CORO2A: variants seen among roughly 807,000 people sequenced by gnomAD.
CORO2A encodes the protein coronin 2A, also known as coronin-2A.
CORO2A carries 47 observed loss-of-function variants against 62.4 expected under a neutral mutation model. That is an observed-to-expected ratio of 0.75 (90% CI 0.60 to 0.96). The LOEUF (loss-of-function observed/expected upper bound fraction) is 0.96. CORO2A is among the 40% of genes least tolerant of loss of function. The pLI, the probability that CORO2A is intolerant of heterozygous loss-of-function variation, is 0.00. For missense variants in CORO2A, 610 were observed against 684.1 expected, an observed-to-expected ratio of 0.89 and a Z score of 1.21; for synonymous variants, 273 against 268.9, an observed-to-expected ratio of 1.02 and a Z score of -0.15.
rs1295879510 is a variant in CORO2A, at chr9:98,133,078, T to C, written c.608A>G (p.Lys203Arg). ...SLLATTCKDR[K>R]IRVIDPRAGT... ...TGCTCGGGGGTCAATAACCCGAATC[T>C]TGCGGTCTTTGCAGGTGGTGGCCAA... is the stretch of plus-strand genomic sequence containing the variant. The change falls in exon 5 of 12, where the codon AAG (lysine) becomes AGG (arginine). Residue 203 changes from lysine to arginine, a missense_variant. Physicochemically the swap from Lys to Arg is conservative, Grantham distance 26. Coordinates refer to ENST00000375077, the MANE Select transcript of CORO2A (RefSeq NM_052820.4). 1 of 1,614,232 alleles carries C rather than the reference T, an allele frequency of 6.2e-7. No homozygotes were observed. Among genetic ancestry groups the C allele is most frequent in the Non-Finnish European group, 8.5e-7 (1 of 1,180,040 alleles).
rs538822364 is a variant in CORO2A at position 98,172,237 on chromosome 9, C to A, written c.1-14577G>T. Reference sequence around the variant, plus strand: ...ACCCCCACCCCACTTCTGAGCTCAGCCCCACGCCCTACTTCCGAGCTCAGT... The same window carrying A: ...ACCCCCACCCCACTTCTGAGCTCAGACCCACGCCCTACTTCCGAGCTCAGT... On this transcript the variant is annotated intron_variant, in intron 1 of 11. Transcript: ENST00000375077. Among the ~76,000 whole-genome samples the A allele has an allele frequency of 2.7e-3, 400 of 148,254 alleles. 1 individual carries two copies. The highest frequency in any genetic ancestry group is 9.1e-3 in the African/African-American group (365 of 40,092).
At position 98,163,741 on chromosome 9, in the gene CORO2A, T is replaced by TGAGAGA. The variant is rs565063006; in HGVS notation, c.1-6087_1-6082dup. Among the ~76,000 whole-genome samples, 341 of 139,614 alleles carry TGAGAGA rather than the reference T, an allele frequency of 2.4e-3. 1 individual carries two copies. The highest frequency in any genetic ancestry group is 3.5e-3 in the Non-Finnish European group (231 of 65,456). The allele number at this position is 139,614 out of a possible 152,430, so 91.6% of individuals were successfully genotyped here. ...GTGTGTGTGTGTGTATGTGTGTGTG[T>TGAGAGA]GAGAGAGAGAGAGAGAGAGAGAGAG... On this transcript the variant is annotated intron_variant, in intron 1 of 11. Coordinates refer to ENST00000375077, the MANE Select transcript of CORO2A (RefSeq NM_052820.4).
At position 98,130,935 on chromosome 9, in the gene CORO2A, C is replaced by A; in HGVS notation, c.870+20G>T. The stretch of plus-strand genomic sequence containing the variant: ...GTCTCAGGGGTCCAGGAGGTCACCT[C>A]CCTCCCGTGCCAAGCCGACCTTCCC... On this transcript the variant is annotated intron_variant, in intron 7 of 11. Coordinates refer to ENST00000375077, the MANE Select transcript of CORO2A (RefSeq NM_052820.4). 6.3e-7 allele frequency: 1 copy of A among 1,596,476 alleles called. No individual in the cohort carries two copies. Among genetic ancestry groups the A allele is most frequent in the Non-Finnish European group, 8.6e-7 (1 of 1,166,136 alleles).
intron 2 of CORO2A, among the ~76,000 whole-genome samples, chr9:98,150,568 C>T (rs1216314732): frequency 2.0e-5 from 3 of 152,194 alleles, no homozygotes; most frequent in African/African-American, 2.4e-5. Context: ...TCCCAACCCA[C>T]GTCACACTCT....
chr9:98,172,092 G>A (rs1430105131), intron 1 of CORO2A, among the ~76,000 whole-genome samples: 2 of 152,000 alleles, frequency 1.3e-5, no homozygotes, highest in South Asian at 2.1e-4. Flanking sequence ...GAGGCCTTCC[G>A]TGCTTGGACT....
intron 1 of CORO2A, among the ~76,000 whole-genome samples, chr9:98,169,660 C>A (rs1290677370): frequency 6.6e-6 from 1 of 152,214 alleles, no homozygotes; most frequent in Non-Finnish European, 1.5e-5. Flanking sequence ...CAGACCTGTT[C>A]TCTGAGACAA....
At chr9:98,149,140 C>T (rs2795491) in intron 2 of CORO2A, among the ~76,000 whole-genome samples, 48,216 of 152,028 alleles carry the variant, frequency 0.32, 7,883 homozygotes, top group Non-Finnish European at 0.34. Context: ...AAAGGATACA[C>T]AGAATTGCAC....
At chr9:98,177,487 G>C (rs868519122) in intron 1 of CORO2A, among the ~76,000 whole-genome samples, 1 of 101,392 alleles carries the variant, frequency 9.9e-6, no homozygotes, top group Non-Finnish European at 1.7e-5. Context: ...TTTTGAGACA[G>C]AGTCTGGCTC....
intron 2 of CORO2A, among the ~76,000 whole-genome samples, chr9:98,155,046 T>C (rs1178511537): frequency 6.6e-6 from 1 of 152,242 alleles, no homozygotes; most frequent in Non-Finnish European, 1.5e-5. Flanking sequence ...CAGAAGTGTC[T>C]GATCGTTTAC....
chr9:98,158,294 A>AAG (rs759397205), intron 1 of CORO2A, among the ~76,000 whole-genome samples: 5 of 152,112 alleles, frequency 3.3e-5, no homozygotes, highest in Admixed American at 3.3e-4. Context: ...AAAAAAATAA[A>AAG]AGAGAGAGAG....
chr9:98,153,081 G>A (rs771161864), intron 2 of CORO2A, among the ~76,000 whole-genome samples: 1 of 152,114 alleles, frequency 6.6e-6, no homozygotes, highest in Non-Finnish European at 1.5e-5. Flanking sequence ...GGGGTAAAGG[G>A]TCATCTCTAT....
chr9:98,188,379 C>A (rs1828263710), intron 1 of CORO2A, among the ~76,000 whole-genome samples: 1 of 152,156 alleles, frequency 6.6e-6, no homozygotes. Flanking sequence ...ATCTGTCTTC[C>A]CCCCATCTGA....
intron 2 of CORO2A, among the ~76,000 whole-genome samples, chr9:98,140,912 C>A (rs183599074): frequency 2.4e-4 from 36 of 152,234 alleles, no homozygotes; most frequent in Admixed American, 2.2e-3. Flanking sequence ...CATTATTTAA[C>A]AAATCTAAAC....
At chr9:98,144,347 T>TG (rs1827613969) in intron 2 of CORO2A, among the ~76,000 whole-genome samples, 1 of 152,178 alleles carries the variant, frequency 6.6e-6, no homozygotes, top group Admixed American at 6.5e-5. Context: ...GTGCAGAGGC[T>TG]GGGGCTCAGA....
At chr9:98,184,551 A>G (rs1828215298) in intron 1 of CORO2A, among the ~76,000 whole-genome samples, 1 of 152,054 alleles carries the variant, frequency 6.6e-6, no homozygotes, top group African/African-American at 2.4e-5. Flanking sequence ...TGGTTTCTTC[A>G]TGGCGGCCCC....
chr9:98,151,866 G>A (rs1827728697), intron 2 of CORO2A, among the ~76,000 whole-genome samples: 1 of 146,466 alleles, frequency 6.8e-6, no homozygotes, highest in Non-Finnish European at 1.5e-5. Context: ...GCCCAGGCTG[G>A]AGTACAGTGG....
chr9:98,161,330 G>T (rs1215501404), intron 1 of CORO2A, among the ~76,000 whole-genome samples: 1 of 152,118 alleles, frequency 6.6e-6, no homozygotes, highest in Non-Finnish European at 1.5e-5. Context: ...GAGGTGGGGG[G>T]ATCACTTGAG....
intron 2 of CORO2A, among the ~76,000 whole-genome samples, chr9:98,156,385 T>C (rs1827803123): frequency 6.6e-6 from 1 of 152,206 alleles, no homozygotes; most frequent in South Asian, 2.1e-4. Flanking sequence ...TTAGGCTTCC[T>C]TCTTTTCTAA....
At chr9:98,148,369 T>C (rs1284350803) in intron 2 of CORO2A, among the ~76,000 whole-genome samples, 42 of 135,618 alleles carry the variant, frequency 3.1e-4, no homozygotes, top group Middle Eastern at 4.6e-3. Flanking sequence ...CACTCCAGCC[T>C]GGGCGACAGA....
Sources: gnomAD v4.1 joint callset for allele counts (sites outside exome capture counted in the v4.1 genomes callset) on GRCh38, gnomAD v4.1.1 for gene constraint, MANE v1.5 for transcripts, NCBI Gene and HGNC (gene_info 2026-07-23, HGNC 2026-07-21) for gene names.